Variants in GALNT13 observed in about 807,000 individuals in gnomAD.
GALNT13 encodes UDP-GalNAc:polypeptide N-acetylgalactosaminyltransferase 13.
A neutral mutation model predicts 64.2 loss-of-function variants in GALNT13; 28 were observed. That is an observed-to-expected ratio of 0.44 (90% confidence interval 0.32 to 0.60). GALNT13 has a LOEUF of 0.60. Among genes scored for constraint, GALNT13 ranks in the 20% least tolerant of loss-of-function variants. The pLI is 0.05. For synonymous variants in GALNT13, 214 were observed against 224.6 expected, an observed-to-expected ratio of 0.95 and a Z score of 0.42; for missense variants, 577 against 669.8, an observed-to-expected ratio of 0.86 and a Z score of 1.53.
chr2:154,147,862 A>T (rs549941889), intron 4 of GALNT13, among the ~76,000 whole-genome samples: 1 of 151,308 alleles, frequency 6.6e-6, no homozygotes, highest in East Asian at 1.9e-4. Context: ...CATGGTTGTT[A>T]ATGTGTTCTT....
intron 8 of GALNT13, chr2:154,286,980 G>C (rs1692302948): frequency 3.5e-6 from 2 of 566,282 alleles, no homozygotes; most frequent in South Asian, 1.8e-5. Flanking sequence ...TCAAGTCAGT[G>C]GTGGCTCACT....
chr2:153,857,401 A>C, the GALNT13 span, among the ~76,000 whole-genome samples: 1 of 152,178 alleles, frequency 6.6e-6, no homozygotes, highest in African/African-American at 2.4e-5. Flanking sequence ...AAGGAAGGGA[A>C]TAATGAAAGT....
At position 154,305,084 on chromosome 2, in the gene GALNT13, T is replaced by A. The variant is rs1227147656; in HGVS notation, c.1156+3495T>A. ...ATTTGAGCCCTGGGAAGATTTCAGA[T>A]CATCCAAAAACAGATAAAACAGGTT... On this transcript the variant is annotated intron_variant, in intron 9 of 12. Transcript: ENST00000392825. 2.0e-5 allele frequency among the ~76,000 whole-genome samples: 3 copies of A among 152,202 alleles called. No homozygotes were observed. The East Asian group carries it at 5.8e-4, about 29-fold the overall frequency.
At chr2:153,692,598 T>C in the GALNT13 span, among the ~76,000 whole-genome samples, 3 of 152,218 alleles carry the variant, frequency 2.0e-5, no homozygotes, top group East Asian at 5.8e-4. Flanking sequence ...TAGACAGTTA[T>C]TGATCTGGTG....
the GALNT13 span, among the ~76,000 whole-genome samples, chr2:153,277,061 G>C: frequency 3.3e-5 from 5 of 152,050 alleles, no homozygotes; most frequent in Non-Finnish European, 5.9e-5. Flanking sequence ...GTAATTTTAA[G>C]TTTTATTTTT....
At chr2:153,232,600 A>G in the GALNT13 span, among the ~76,000 whole-genome samples, 1 of 152,220 alleles carries the variant, frequency 6.6e-6, no homozygotes, top group Non-Finnish European at 1.5e-5. Context: ...TAGAAAAGTG[A>G]CAATGCTCAT....
chr2:154,389,429 G>A (rs1034903669), intron 9 of GALNT13, among the ~76,000 whole-genome samples: 26 of 152,156 alleles, frequency 1.7e-4, no homozygotes, highest in African/African-American at 5.8e-4. Flanking sequence ...ATGAGCCACA[G>A]TGGCCACTTA....
At chr2:154,354,341 G>T (rs1233570588) in intron 9 of GALNT13, among the ~76,000 whole-genome samples, 2 of 147,750 alleles carry the variant, frequency 1.4e-5, no homozygotes, top group African/African-American at 5.0e-5. Flanking sequence ...CACTCCACAG[G>T]TTGCCTTTTA....
the GALNT13 span, among the ~76,000 whole-genome samples, chr2:153,665,684 G>A: frequency 6.6e-6 from 1 of 152,134 alleles, no homozygotes. Flanking sequence ...CCTGAATGGG[G>A]TTGCCAAGCA....
Position 154,361,097 on chromosome 2 carries a change from A to C in GALNT13, c.1157-34894A>C, listed in dbSNP as rs563166809. 1.1e-4 allele frequency among the ~76,000 whole-genome samples: 16 copies of C among 152,146 alleles called. No homozygotes were observed. In the South Asian group the frequency reaches 3.3e-3, roughly 32 times the overall value. On this transcript the variant is annotated intron_variant, in intron 9 of 12. Coordinates refer to ENST00000392825, the MANE Select transcript of GALNT13 (RefSeq NM_052917.4). ...CTTGCATAAATAGCCTAATTTCTCTACATATTTTTCATATTAAACACCCAA... is the reference window on the plus strand; with the variant it reads ...CTTGCATAAATAGCCTAATTTCTCTCCATATTTTTCATATTAAACACCCAA...
intron 3 of GALNT13, among the ~76,000 whole-genome samples, chr2:154,098,710 A>C (rs149657395): frequency 3.9e-5 from 6 of 152,158 alleles, no homozygotes; most frequent in Admixed American, 3.3e-4. Flanking sequence ...TCCACTTAGG[A>C]TAATGACTTT....
At chr2:154,264,902 T>A (rs997209540) in intron 8 of GALNT13, among the ~76,000 whole-genome samples, 8 of 150,574 alleles carry the variant, frequency 5.3e-5, no homozygotes, top group Non-Finnish European at 8.9e-5. Flanking sequence ...ATAATAAAGA[T>A]AACAGCAGAA....
intron 3 of GALNT13, among the ~76,000 whole-genome samples, chr2:154,006,414 TTAAC>T (rs1185513244): frequency 2.0e-5 from 3 of 152,188 alleles, no homozygotes; most frequent in Admixed American, 1.3e-4. Flanking sequence ...CATCACAAAT[TTAAC>T]TAATTAAAAG....
chr2:153,640,631 A>T, the GALNT13 span, among the ~76,000 whole-genome samples: 2 of 151,990 alleles, frequency 1.3e-5, no homozygotes, highest in African/African-American at 4.8e-5. Flanking sequence ...AAAAATTAAA[A>T]ATTAGCTGAG....
the GALNT13 span, among the ~76,000 whole-genome samples, chr2:153,212,036 G>C: frequency 7.8e-4 from 118 of 152,254 alleles, no homozygotes; most frequent in Admixed American, 1.6e-3. Flanking sequence ...GAAGCATAGA[G>C]AAATTTGCTT....
At chr2:154,032,546 A>ATT (rs1259280397) in intron 3 of GALNT13, among the ~76,000 whole-genome samples, 1 of 152,014 alleles carries the variant, frequency 6.6e-6, no homozygotes, top group East Asian at 1.9e-4. Flanking sequence ...CTAGTAGCAT[A>ATT]TTAAAAGGAT....
At chr2:153,498,202 T>TA in the GALNT13 span, among the ~76,000 whole-genome samples, 1 of 152,390 alleles carries the variant, frequency 6.6e-6, no homozygotes, top group South Asian at 2.1e-4. Flanking sequence ...TCTTAAAAGA[T>TA]ACAACCTTTT....
chr2:153,452,830 A>G, the GALNT13 span, among the ~76,000 whole-genome samples: 354 of 152,290 alleles, frequency 2.3e-3, 2 homozygotes, highest in African/African-American at 7.8e-3. Context: ...AATCCTAAGC[A>G]AAAACAACAA....
intron 3 of GALNT13, among the ~76,000 whole-genome samples, chr2:154,120,803 G>A (rs901725817): frequency 6.6e-6 from 1 of 152,128 alleles, no homozygotes; most frequent in African/African-American, 2.4e-5. Flanking sequence ...AGTGCACTGA[G>A]AAGTTGACTT....
Sources: gnomAD v4.1 joint callset for allele counts (sites outside exome capture counted in the v4.1 genomes callset) on GRCh38, gnomAD v4.1.1 for gene constraint, MANE v1.5 for transcripts, NCBI Gene and HGNC (gene_info 2026-07-23, HGNC 2026-07-21) for gene names.